The following AOAH variants were observed in gnomAD, a reference collection of about 807,000 sequenced individuals.
AOAH encodes acyloxyacyl hydrolase (neutrophil).
AOAH carries 64 observed loss-of-function variants against 92.2 expected under a neutral mutation model. That is an observed-to-expected ratio of 0.69 (90% CI 0.57 to 0.86). The LOEUF is 0.86. AOAH is among the 40% of genes least tolerant of loss of function. The pLI, the probability that AOAH is intolerant of heterozygous loss-of-function variation, is 0.00. For synonymous variants in AOAH, 263 were observed against 254.5 expected (o/e 1.03, Z -0.32); for missense variants, 656 against 694.6 (o/e 0.94, Z 0.62).
intron 1 of AOAH, among the ~76,000 whole-genome samples, chr7:36,709,286 A>G (rs1171677256): frequency 6.6e-6 from 1 of 152,172 alleles, no homozygotes; most frequent in Non-Finnish European, 1.5e-5. Flanking sequence ...TCCCAATAGC[A>G]GTAAACCAGC....
chr7:36,707,001 T>C (rs963870880), intron 1 of AOAH, among the ~76,000 whole-genome samples: 4 of 151,732 alleles, frequency 2.6e-5, no homozygotes, highest in Non-Finnish European at 5.9e-5. Flanking sequence ...GTGTGTTTAG[T>C]GGAATAGTGC....
At chr7:36,524,676 G>A (rs1041968219) in intron 19 of AOAH, among the ~76,000 whole-genome samples, 7 of 151,320 alleles carry the variant, frequency 4.6e-5, no homozygotes, top group Admixed American at 1.3e-4. Context: ...ACTCTGTCTC[G>A]ACAATAAGTA....
chr7:36,573,839 T>C (rs1456413661), intron 13 of AOAH, among the ~76,000 whole-genome samples: 1 of 152,250 alleles, frequency 6.6e-6, no homozygotes, highest in Non-Finnish European at 1.5e-5. Flanking sequence ...CTTTAATTCT[T>C]ACTACCCAAT....
intron 3 of AOAH, among the ~76,000 whole-genome samples, chr7:36,660,047 C>T (rs1464684324): frequency 6.6e-6 from 1 of 152,194 alleles, no homozygotes; most frequent in African/African-American, 2.4e-5. Flanking sequence ...ATCTCTCCAC[C>T]ATGTACCTTG....
Position 36,620,830 on chromosome 7 carries a change from C to T in AOAH, c.654-1G>A. ...CTGATGGACATCCCAGTTGTTCGGC[C>T]TAAGAAAAAAACATTAACATTGGTC... On this transcript the variant is annotated splice_acceptor_variant, in intron 8 of 20. Coordinates refer to ENST00000617537, the MANE Select transcript of AOAH (RefSeq NM_001637.4). LOFTEE classifies it high-confidence loss of function. 1.2e-6 allele frequency: 2 copies of T among 1,612,974 alleles called. No homozygotes were observed. Among genetic ancestry groups the T allele is most frequent in the South Asian group, 2.2e-5 (2 of 90,900 alleles).
chr7:36,715,082 T>C (rs1446515825), intron 1 of AOAH, among the ~76,000 whole-genome samples: 1 of 152,150 alleles, frequency 6.6e-6, no homozygotes, highest in East Asian at 1.9e-4. Flanking sequence ...GAAAACCCCA[T>C]CATCTCTGCC....
At chr7:36,530,323 T>G (rs1784619543) in intron 19 of AOAH, 95 bp downstream of exon 19, 3 of 822,508 alleles carry the variant, frequency 3.6e-6, no homozygotes, top group Non-Finnish European at 6.2e-6. Context: ...CCGAATCTGC[T>G]GCCTGGTGGC....
chr7:36,556,291 G>C lies in AOAH; in HGVS notation c.1022-6816C>G, dbSNP rs369916611. 4.3e-4 allele frequency among the ~76,000 whole-genome samples: 66 copies of C among 152,276 alleles called. No individual in the cohort carries two copies. In the East Asian group the frequency reaches 5.6e-3, roughly 13 times the overall value. On this transcript the variant is annotated intron_variant, in intron 13 of 20. Coordinates refer to ENST00000617537, the MANE Select transcript of AOAH (RefSeq NM_001637.4). ...TGTTCAGTTTCCATGTAGTTGAGCGGTTTTGAGTGAGTTTCTTAATCCTGA... is the reference window on the plus strand; with the variant it reads ...TGTTCAGTTTCCATGTAGTTGAGCGCTTTTGAGTGAGTTTCTTAATCCTGA...
At chr7:36,699,630 ATTAT>A (rs138756461) in intron 1 of AOAH, among the ~76,000 whole-genome samples, 85,339 of 139,580 alleles carry the variant, frequency 0.61, 25,554 homozygotes, top group East Asian at 0.83. Context: ...TTTAAATTGG[ATTAT>A]TTGTTTTTTT....
intron 1 of AOAH, among the ~76,000 whole-genome samples, chr7:36,717,023 A>G (rs1799244974): frequency 6.6e-6 from 1 of 151,476 alleles, no homozygotes; most frequent in Non-Finnish European, 1.5e-5. Context: ...TAAATAAAAA[A>G]GCATAGTCGA....
intron 19 of AOAH, among the ~76,000 whole-genome samples, chr7:36,524,764 G>A (rs867435487): frequency 7.3e-5 from 11 of 151,496 alleles, no homozygotes; most frequent in African/African-American, 2.4e-4. Context: ...ACCATGTGAG[G>A]ATATGATGAG....
At chr7:36,582,134 T>C (rs1018806926) in intron 12 of AOAH, among the ~76,000 whole-genome samples, 3 of 152,220 alleles carry the variant, frequency 2.0e-5, no homozygotes, top group African/African-American at 7.2e-5. Context: ...TGGCCTCAAA[T>C]CCTCTTCCTC....
rs2228410 is a variant in AOAH, at chr7:36,724,067, C to T, written c.82G>A (p.Asp28Asn). 552,900 of 1,613,124 alleles carry T rather than the reference C, an allele frequency of 0.34. 98,616 individuals carry two copies. Among genetic ancestry groups the T allele is most frequent in the East Asian group, 0.51 (22,646 of 44,800 alleles). ...GAGAGGCTGGGCCTGGACTGGTCAT[C>T]GTTGGCTGGAGAGGCCGAGGACTGA... ...SLQSSASPAN[D>N]DQSRPSLSNG... Residue 28 changes from aspartate to asparagine, a missense_variant, in exon 1 of 21, where the codon GAT (aspartate) becomes AAT (asparagine). Transcript: ENST00000617537.
intron 2 of AOAH, among the ~76,000 whole-genome samples, chr7:36,686,202 G>T (rs1379779295): frequency 6.6e-6 from 1 of 152,152 alleles, no homozygotes; most frequent in South Asian, 2.1e-4. Flanking sequence ...ATTTTATTGA[G>T]ATCTAGTTTA....
chr7:36,691,495 TAG>T (rs944931441), intron 1 of AOAH, among the ~76,000 whole-genome samples: 9 of 151,944 alleles, frequency 5.9e-5, no homozygotes, highest in Non-Finnish European at 1.0e-4. Context: ...TGGACATGGA[TAG>T]AGAGAGACAA....
chr7:36,601,821 G>A (rs995883571), intron 11 of AOAH, among the ~76,000 whole-genome samples: 4 of 152,130 alleles, frequency 2.6e-5, no homozygotes, highest in Non-Finnish European at 5.9e-5. Context: ...AAGCACAGAG[G>A]GGCCAGGGGG....
chr7:36,609,747 C>A (rs1036434448), intron 11 of AOAH, among the ~76,000 whole-genome samples: 1 of 152,080 alleles, frequency 6.6e-6, no homozygotes, highest in African/African-American at 2.4e-5. Flanking sequence ...GTCCGCATTG[C>A]CCCATGGGGT....
At chr7:36,704,112 G>A (rs1417785335) in intron 1 of AOAH, among the ~76,000 whole-genome samples, 4 of 152,060 alleles carry the variant, frequency 2.6e-5, no homozygotes, top group Non-Finnish European at 5.9e-5. Context: ...GTGATGATGA[G>A]GTTTTTTTTT....
At chr7:36,636,542 A>T (rs972092704) in intron 5 of AOAH, among the ~76,000 whole-genome samples, 6 of 152,326 alleles carry the variant, frequency 3.9e-5, no homozygotes, top group African/African-American at 1.4e-4. Context: ...TGGTCTTTTA[A>T]TATCTTATTC....
Sources: allele counts gnomAD v4.1 joint callset (sites outside exome capture counted in the v4.1 genomes callset), GRCh38; gene constraint gnomAD v4.1.1; transcripts MANE v1.5; gene names NCBI Gene and HGNC (gene_info 2026-07-23, HGNC 2026-07-21).